SIRT7: variants seen among roughly 807,000 people sequenced by gnomAD.
SIRT7 encodes the protein sirtuin 7.
A neutral mutation model predicts 42.8 loss-of-function variants in SIRT7; 32 were observed. The observed-to-expected ratio is 0.75, with a 90% CI of 0.56 to 1.00. SIRT7 has a LOEUF of 1.00. Among genes scored for constraint, SIRT7 ranks in the 50% least tolerant of loss-of-function variants. SIRT7 has a pLI of 0.00. For synonymous variants in SIRT7, 297 were observed against 245.2 expected (o/e 1.21, Z -1.97); for missense variants, 553 against 572.2 (o/e 0.97, Z 0.34).
At position 81,915,521 on chromosome 17, in the gene SIRT7, C is replaced by A. The variant is rs1190682886; in HGVS notation, c.408-9G>T. ...CGCTCAGGTCGGCAGCACTGCCAGGCAGAAAGGAAGGCAAGGTGAGGAGAG... is the reference window on the plus strand; with the variant it reads ...CGCTCAGGTCGGCAGCACTGCCAGGAAGAAAGGAAGGCAAGGTGAGGAGAG... On this transcript the variant is annotated splice_polypyrimidine_tract_variant and intron_variant, in intron 4 of 9. Transcript: ENST00000328666. 3.7e-6 allele frequency: 6 copies of A among 1,613,528 alleles called. No homozygotes were observed. Among genetic ancestry groups the A allele is most frequent in the Non-Finnish European group, 5.1e-6 (6 of 1,179,860 alleles).
In SIRT7 at chr17:81,914,418, T is replaced by A. The variant is rs747459061; in HGVS notation, c.692A>T (p.Gln231Leu). 3 of 1,613,404 alleles carry A rather than the reference T, an allele frequency of 1.9e-6. No homozygotes were observed. In the South Asian group the frequency reaches 3.3e-5, roughly 18 times the overall value. ...TGRTCHKCGT[Q>L]LRDTIVHFGE... Reference sequence around the variant, plus strand: ...AAAGTGCACAATGGTGTCCCGCAGCTGGGTCCCACACTTGTGGCAGGTCCG... The same window carrying A: ...AAAGTGCACAATGGTGTCCCGCAGCAGGGTCCCACACTTGTGGCAGGTCCG... Residue 231 changes from glutamine to leucine, a missense_variant, in exon 7 of 10, where the codon CAG becomes CTG. Coordinates refer to ENST00000328666, the MANE Select transcript of SIRT7 (RefSeq NM_016538.3).
In SIRT7 at chr17:81,913,656, C is replaced by G. The variant is rs2040736556; in HGVS notation, c.1004+118G>C. On this transcript the variant is annotated intron_variant, in intron 9 of 9. Coordinates refer to ENST00000328666, the MANE Select transcript of SIRT7 (RefSeq NM_016538.3). The surrounding 1 kb of genome is among the most constrained non-coding windows in gnomAD (Gnocchi z 5.0). ...TGGAGACCACCACGCTTCAGTCATG[C>G]CTCAGGCACCACTGCAAACACCTCA... The G allele has an allele frequency of 5.7e-6, 5 of 874,796 alleles. No individual in the cohort carries two copies. In the East Asian group the frequency reaches 1.3e-4, roughly 23 times the overall value. 54.2% of individuals were successfully genotyped at this position (874,796 alleles called of 1,614,324 possible). A position where few individuals can be genotyped will look rare whatever the true frequency, so the allele number is the denominator to read the frequency against.
Position 81,915,491 on chromosome 17 carries a change from G to A in SIRT7, c.429C>T (p.Ala143=), listed in dbSNP as rs571658495. ...RSVSAADLSE[A]EPTLTHMSIT... ...TGCTCATGTGGGTGAGGGTTGGCTCGGCCTCGCTCAGGTCGGCAGCACTGC... is the reference window on the plus strand; with the variant it reads ...TGCTCATGTGGGTGAGGGTTGGCTCAGCCTCGCTCAGGTCGGCAGCACTGC... Residue 143 remains alanine (A), a synonymous_variant, in exon 5 of 10, where the codon GCC becomes GCT. Coordinates refer to ENST00000328666, the MANE Select transcript of SIRT7 (RefSeq NM_016538.3). 49 of 1,613,648 alleles carry A rather than the reference G, an allele frequency of 3.0e-5. 1 individual carries two copies. In the South Asian group the frequency reaches 3.4e-4, roughly 11 times the overall value.
intron 9 of SIRT7, 68 bp from the exon 10 acceptor site, chr17:81,912,682 G>T: frequency 1.3e-6 from 2 of 1,520,200 alleles, no homozygotes. Context: ...GCCCCAGCTC[G>T]GGAAAGCTGT....
At chr17:81,912,738 G>C in intron 9 of SIRT7, 124 bp from the exon 10 acceptor site, 2 of 1,058,054 alleles carry the variant, frequency 1.9e-6, no homozygotes, top group Non-Finnish European at 2.8e-6. Flanking sequence ...TGTCAACTGC[G>C]GCGGGGCTCT....
At chr17:81,912,902 G>A (rs994696150) in intron 9 of SIRT7, 8 of 494,774 alleles carry the variant, frequency 1.6e-5, no homozygotes, top group Non-Finnish European at 2.9e-5. Context: ...CACACAGGGT[G>A]GGGCAGCAGT....
Position 81,912,432 on chromosome 17 carries a change from C to G in SIRT7, c.1187G>C (p.Arg396Thr). Residue 396 changes from arginine to threonine, a missense_variant, in exon 10 of 10, where the codon AGG becomes ACG. Arg to Thr is a moderately conservative substitution (Grantham distance 71). Coordinates refer to ENST00000328666, the MANE Select transcript of SIRT7 (RefSeq NM_016538.3). ...AGCACGTGATTACGTCACTTTCTTCCTTTTTGTGCGTTTTGTGCAGCCCCT... is the reference window on the plus strand; with the variant it reads ...AGCACGTGATTACGTCACTTTCTTCGTTTTTGTGCGTTTTGTGCAGCCCCT... ...FGRGCTKRTK[R>T]KKVT 1 of 1,614,108 alleles carries G rather than the reference C, an allele frequency of 6.2e-7. No homozygotes were observed. Among genetic ancestry groups the G allele is most frequent in the South Asian group, 1.1e-5 (1 of 91,080 alleles).
rs1033783000 is a variant in SIRT7 at position 81,912,235 on chromosome 17, C to T, written c.*181G>A. 1.4e-5 allele frequency: 10 copies of T among 718,478 alleles called. No individual in the cohort carries two copies. In the South Asian group the frequency reaches 1.6e-4, roughly 11 times the overall value. 44.5% of individuals were successfully genotyped at this position (718,478 alleles called of 1,614,324 possible). ...TGGGCAGGTGTCCTCGATGGCCAGG[C>T]CGTATCAGGGTACAACCGCAGCAGT... On this transcript the variant is annotated 3_prime_UTR_variant, in exon 10 of 10. Transcript: ENST00000328666.
chr17:81,912,666 A>T, intron 9 of SIRT7, 52 bp from the exon 10 acceptor site: 1 of 1,562,588 alleles, frequency 6.4e-7, no homozygotes, highest in Non-Finnish European at 8.7e-7. Flanking sequence ...TCTCGCAGTC[A>T]CACCTGCCCC....
Position 81,912,331 on chromosome 17 carries a change from C to A in SIRT7, c.*85G>T. The A allele has an allele frequency of 6.6e-7, 1 of 1,524,846 alleles. No individual in the cohort carries two copies. The highest frequency in any genetic ancestry group is 1.4e-5 in the African/African-American group (1 of 73,166). The allele number at this position is 1,524,846 out of a possible 1,614,324, so 94.5% of individuals were successfully genotyped here. A position where few individuals can be genotyped will look rare whatever the true frequency, so the allele number is the denominator to read the frequency against. ...AAATGTCATCCCCAAAGAGTTCGTTCTCCCTAGACCCGTGGGGGCAACCCA... is the reference window on the plus strand; with the variant it reads ...AAATGTCATCCCCAAAGAGTTCGTTATCCCTAGACCCGTGGGGGCAACCCA... On this transcript the variant is annotated 3_prime_UTR_variant, in exon 10 of 10. Coordinates refer to ENST00000328666, the MANE Select transcript of SIRT7 (RefSeq NM_016538.3).
intron 9 of SIRT7, chr17:81,912,886 C>T (rs762730306): frequency 1.1e-5 from 6 of 522,278 alleles, no homozygotes; most frequent in South Asian, 2.0e-5. Flanking sequence ...CACTGAGCGG[C>T]GTGCACACAC....
chr17:81,918,053 C>A lies in SIRT7; in HGVS notation c.79G>T (p.Glu27Ter). 6.6e-7 allele frequency: 1 copy of A among 1,522,156 alleles called. No homozygotes were observed. Among genetic ancestry groups the A allele is most frequent in the Non-Finnish European group, 8.7e-7 (1 of 1,144,044 alleles). 94.3% of individuals were successfully genotyped at this position (1,522,156 alleles called of 1,614,324 possible). ...CGGCGGCGTACCTGGCGGAGGCGCT[C>A]CCTCTGCTGCTCCTCCCGCAACCTC... ...VRRLREEQQR[E>*]RLRQVSRILR... The change falls in exon 1 of 10, where the codon GAG becomes TAG. Residue 27 changes from glutamate (E) to a stop codon, truncating the protein, a stop_gained. Transcript: ENST00000328666. LOFTEE classifies it high-confidence loss of function.
chr17:81,917,734 G>C lies in SIRT7; in HGVS notation c.232-15C>G, dbSNP rs776091169. ...TCGTCGCACACCTGCCAAGACGCCAGGGTGGTCACCGCCCCGGGCCGCCCC... is the reference window on the plus strand; with the variant it reads ...TCGTCGCACACCTGCCAAGACGCCACGGTGGTCACCGCCCCGGGCCGCCCC... On this transcript the variant is annotated splice_polypyrimidine_tract_variant and intron_variant, in intron 2 of 9. Coordinates refer to ENST00000328666, the MANE Select transcript of SIRT7 (RefSeq NM_016538.3). 1.2e-5 allele frequency: 18 copies of C among 1,555,152 alleles called. No individual in the cohort carries two copies. The highest frequency in any genetic ancestry group is 1.5e-5 in the Non-Finnish European group (17 of 1,152,970).
intron 1 of SIRT7, 22 bp from the exon 2 acceptor site, chr17:81,917,989 G>A (rs2040839211): frequency 7.5e-7 from 1 of 1,335,496 alleles, no homozygotes; most frequent in Non-Finnish European, 9.5e-7. Context: ...CGGACGGTGA[G>A]CGGCGGCGCG....
chr17:81,914,515 C>G lies in SIRT7; in HGVS notation c.595G>C (p.Val199Leu), dbSNP rs145347143. The change falls in exon 7 of 10, where the codon GTT (valine) becomes CTT (leucine). Residue 199 changes from valine (V) to leucine (L), a missense_variant. Transcript: ENST00000328666. Reference protein sequence around the residue: ...NMYIEVCTSCVPNREYVRVFD... With the variant: ...NMYIEVCTSCLPNREYVRVFD... ...ACCCGCACGTACTCCCTGTTGGGAACGCAGGAGGTACAGACCTAGAGGCAA... is the reference window on the plus strand; with the variant it reads ...ACCCGCACGTACTCCCTGTTGGGAAGGCAGGAGGTACAGACCTAGAGGCAA... 1 of 1,613,096 alleles carries G rather than the reference C, an allele frequency of 6.2e-7. No homozygotes were observed. The highest frequency in any genetic ancestry group is 8.5e-7 in the Non-Finnish European group (1 of 1,180,028).
In SIRT7 at chr17:81,911,999, A is replaced by G; in HGVS notation, c.*417T>C. On this transcript the variant is annotated 3_prime_UTR_variant, in exon 10 of 10. Coordinates refer to ENST00000328666, the MANE Select transcript of SIRT7 (RefSeq NM_016538.3). ...CTGCATAGAGCCGAGGCTCGGAGCC[A>G]CCCCTCTGCCGCACATCCAGTACAG... 4.2e-6 allele frequency: 1 copy of G among 237,020 alleles called. No individual in the cohort carries two copies. The highest frequency in any genetic ancestry group is 4.4e-5 in the South Asian group (1 of 22,580). The allele number at this position is 237,020 out of a possible 1,614,324, so 14.7% of individuals were successfully genotyped here.
Position 81,913,514 on chromosome 17 carries a change from C to A in SIRT7, c.1004+260G>T. On this transcript the variant is annotated intron_variant, in intron 9 of 9. Transcript: ENST00000328666. The surrounding 1 kb of genome is among the most constrained non-coding windows in gnomAD (Gnocchi z 5.0). ...CATCTCGGAGAGCTCCACGGGGAGG[C>A]CTGGAGCAGGAGCACGCGGGCAGAA... The A allele has an allele frequency of 2.0e-6, 1 of 491,962 alleles. No homozygotes were observed. The highest frequency in any genetic ancestry group is 3.7e-6 in the Non-Finnish European group (1 of 267,938). 30.5% of individuals were successfully genotyped at this position (491,962 alleles called of 1,614,324 possible). A position where few individuals can be genotyped will look rare whatever the true frequency, so the allele number is the denominator to read the frequency against.
rs1371726547 is a variant in SIRT7 at position 81,917,615 on chromosome 17, C to G, written c.336G>C (p.Thr112=). Residue 112 remains threonine (T), a splice_region_variant and synonymous_variant, in exon 3 of 10, where the codon ACG becomes ACC. Coordinates refer to ENST00000328666, the MANE Select transcript of SIRT7 (RefSeq NM_016538.3). ...GGTACGCCTCCGCCTCCCTCCCTACCGTGCTGATTCCCGCGCCTGTGTAGA... is the reference window on the plus strand; with the variant it reads ...GGTACGCCTCCGCCTCCCTCCCTACGGTGCTGATTCCCGCGCCTGTGTAGA... ...LVVYTGAGIS[T]AASIPDYRGP... 2 of 1,600,504 alleles carry G rather than the reference C, an allele frequency of 1.2e-6. No individual in the cohort carries two copies. Among genetic ancestry groups the G allele is most frequent in the Non-Finnish European group, 1.7e-6 (2 of 1,173,004 alleles).
In SIRT7 at chr17:81,917,488, C is replaced by G. The variant is rs2040826782; in HGVS notation, c.336+127G>C. The G allele has an allele frequency of 3.3e-5, 26 of 798,834 alleles. No individual in the cohort carries two copies. The South Asian group carries it at 6.8e-4, about 21-fold the overall frequency. The allele number at this position is 798,834 out of a possible 1,614,324, so 49.5% of individuals were successfully genotyped here. ...GGCCAAGCGTTTAAAAAGCGTTTAC[C>G]TTAGGTAAGTTTTGGTCATTTCGTT... is the stretch of plus-strand genomic sequence containing the variant. On this transcript the variant is annotated intron_variant, in intron 3 of 9. Transcript: ENST00000328666.
Sources: gnomAD v4.1 joint callset for allele counts on GRCh38, gnomAD v4.1.1 for gene constraint, Gnocchi (gnomAD v3.1) non-coding constraint, MANE v1.5 for transcripts, NCBI Gene and HGNC (gene_info 2026-07-23, HGNC 2026-07-21) for gene names.